SNX25: variants seen among roughly 807,000 people sequenced by gnomAD.
SNX25 encodes sorting nexin-25.
Under a neutral mutation model 113.7 loss-of-function variants are expected in SNX25, and 62 were observed. The ratio of observed to expected loss-of-function variants is 0.55; its 90% confidence interval spans 0.44 to 0.67. SNX25 has a LOEUF of 0.67. Ranked by LOEUF, SNX25 falls within the 30% of genes least tolerant of loss-of-function variation. The pLI, the probability that SNX25 is intolerant of heterozygous loss-of-function variation, is 0.00. For synonymous variants in SNX25, 421 were observed against 436.2 expected, an observed-to-expected ratio of 0.97 and a Z score of 0.43; for missense variants, 1,014 against 1,161.0, an observed-to-expected ratio of 0.87 and a Z score of 1.84.
At chr4:185,303,714 C>T (rs963596541) in intron 6 of SNX25, among the ~76,000 whole-genome samples, 17 of 151,192 alleles carry the variant, frequency 1.1e-4, no homozygotes, top group Non-Finnish European at 1.9e-4. Context: ...CACACCCTGG[C>T]CGGGCTGCAC....
rs1317027662 is a variant in SNX25, at chr4:185,210,489, A to G, written c.429+234A>G. The stretch of plus-strand genomic sequence containing the variant: ...CGCGGTGCTGGAGGAGATGCGCGTT[A>G]TTTACTGGGCTCTGTAGTCACTCGA... On this transcript the variant is annotated intron_variant, in intron 1 of 18. Coordinates refer to ENST00000652585, the MANE Select transcript of SNX25 (RefSeq NM_001378034.2). This position sits in a 1 kb window ranked among gnomAD's most constrained non-coding sequence, Gnocchi z 4.4. 6.7e-6 allele frequency among the ~76,000 whole-genome samples: 1 copy of G among 150,282 alleles called. No homozygotes were observed. Among genetic ancestry groups the G allele is most frequent in the Non-Finnish European group, 1.5e-5 (1 of 67,018 alleles).
At chr4:185,272,554 G>A (rs1284890819) in intron 5 of SNX25, among the ~76,000 whole-genome samples, 5 of 152,142 alleles carry the variant, frequency 3.3e-5, no homozygotes, top group Non-Finnish European at 7.3e-5. Flanking sequence ...TCACCCCTAG[G>A]AATTTTTATG....
intron 6 of SNX25, among the ~76,000 whole-genome samples, chr4:185,288,579 T>C (rs900815317): frequency 1.3e-5 from 2 of 150,474 alleles, no homozygotes; most frequent in African/African-American, 4.9e-5. Flanking sequence ...TTTTTCTCTC[T>C]TTTCACTCTT....
At chr4:185,249,355 G>T (rs1487391180) in intron 2 of SNX25, among the ~76,000 whole-genome samples, 3 of 151,982 alleles carry the variant, frequency 2.0e-5, no homozygotes, top group Non-Finnish European at 4.4e-5. Flanking sequence ...ATCTTACTGT[G>T]GCCTTAAATT....
rs751373470 is a variant in SNX25 at position 185,339,532 on chromosome 4, CTTAAT to C, written c.2046+26_2046+30del. 7 of 1,590,142 alleles carry C rather than the reference CTTAAT, an allele frequency of 4.4e-6. No individual in the cohort carries two copies. The African/African-American group carries it at 9.5e-5, about 22-fold the overall frequency. ...AGAGGTAGTTTTGACTGCTTTTCCT[CTTAAT>C]TTATTTTAAAAGTTTGACTTTATTA... On this transcript the variant is annotated intron_variant, in intron 11 of 18. Transcript: ENST00000652585.
At chr4:185,355,894 G>A (rs887640271) in intron 15 of SNX25, among the ~76,000 whole-genome samples, 6 of 152,204 alleles carry the variant, frequency 3.9e-5, no homozygotes, top group African/African-American at 1.4e-4. Flanking sequence ...TTGGTACAGA[G>A]CTTAAGAGAT....
At chr4:185,239,774 C>CT (rs564649102) in intron 1 of SNX25, among the ~76,000 whole-genome samples, 2,162 of 110,682 alleles carry the variant, frequency 0.02, 69 homozygotes, top group African/African-American at 0.074. Flanking sequence ...TTTTTTTTTT[C>CT]TTTTTTTTTT....
chr4:185,205,986 T>A (rs1737172688), upstream of SNX25, among the ~76,000 whole-genome samples: 1 of 152,150 alleles, frequency 6.6e-6, no homozygotes, highest in Non-Finnish European at 1.5e-5. Flanking sequence ...GAGATACCGA[T>A]GGCTTTAGTC....
intron 1 of SNX25, among the ~76,000 whole-genome samples, chr4:185,237,848 A>C (rs1310730330): frequency 6.6e-6 from 1 of 151,670 alleles, no homozygotes; most frequent in Non-Finnish European, 1.5e-5. Context: ...GGATCACCTG[A>C]GGTCAGGAGT....
rs117322033 is a variant in SNX25, at chr4:185,329,979, C to G, written c.1750-2616C>G. Among the ~76,000 whole-genome samples the G allele has an allele frequency of 3.4e-3, 523 of 152,232 alleles. 6 individuals are homozygous for G. Among genetic ancestry groups the G allele is most frequent in the East Asian group, 0.014 (71 of 5,180 alleles). On this transcript the variant is annotated intron_variant, in intron 9 of 18. Transcript: ENST00000652585. ...TGCTTCCTGGGTTGTGAGAGAGCCT[C>G]TATCCCCAACACCCATCCTGGGTAT... is the stretch of plus-strand genomic sequence containing the variant.
At chr4:185,323,862 GGTGCATATTGT>G in intron 9 of SNX25, 62 bp downstream of exon 9, 1 of 1,570,578 alleles carries the variant, frequency 6.4e-7, no homozygotes, top group South Asian at 1.2e-5. Context: ...TGTTTAAGTG[GGTGCATATTGT>G]GTGAGCCAAA....
the SNX25 span, chr4:185,375,523 TA>T: frequency 7.2e-6 from 1 of 138,924 alleles, no homozygotes; most frequent in African/African-American, 3.3e-5. Context: ...TATGTATATA[TA>T]TATGTATTAA....
chr4:185,224,427 A>G (rs1158280173), intron 1 of SNX25, among the ~76,000 whole-genome samples: 5 of 130,890 alleles, frequency 3.8e-5, no homozygotes, highest in African/African-American at 8.5e-5. Context: ...AAAAATATAT[A>G]AAAATATATA....
intron 6 of SNX25, among the ~76,000 whole-genome samples, chr4:185,290,195 A>C (rs1751947270): frequency 6.6e-6 from 1 of 152,194 alleles, no homozygotes; most frequent in African/African-American, 2.4e-5. Context: ...CCACATCCTA[A>C]GGTACTTGGC....
upstream of SNX25, among the ~76,000 whole-genome samples, chr4:185,208,026 C>G (rs1737265984): frequency 6.6e-6 from 1 of 152,182 alleles, no homozygotes; most frequent in Admixed American, 6.5e-5. Context: ...GTAGGGTACA[C>G]TTTGAGGGGC....
chr4:185,305,200 A>G (rs1754291848), intron 6 of SNX25, among the ~76,000 whole-genome samples: 1 of 152,126 alleles, frequency 6.6e-6, no homozygotes, highest in Non-Finnish European at 1.5e-5. Flanking sequence ...GAGGCTAGGC[A>G]TGCTGCTAAA....
intron 1 of SNX25, among the ~76,000 whole-genome samples, chr4:185,241,622 G>A (rs2126465179): frequency 6.7e-6 from 1 of 150,002 alleles, no homozygotes; most frequent in South Asian, 2.1e-4. Flanking sequence ...CAGGATAGCG[G>A]TCTGGTTCAC....
chr4:185,378,230 A>C, the SNX25 span: 1 of 1,603,616 alleles, frequency 6.2e-7, no homozygotes, highest in Non-Finnish European at 8.5e-7. Flanking sequence ...AGAAAAAATA[A>C]GTGGTAGAAA....
chr4:185,310,790 G>T lies in SNX25; in HGVS notation c.1318G>T (p.Glu440Ter). ...YDQQEDGALD[E>*]GEGPQSQKIL... ...CCAGCAAGAGGATGGGGCCCTGGAT[G>T]AGGGGGAAGGGCCTCAAAGCCAGAA... Residue 440 changes from glutamate (E) to a stop codon, truncating the protein, a stop_gained, in exon 7 of 19, where the codon GAG (glutamate) becomes TAG (stop). Transcript: ENST00000652585. LOFTEE classifies it high-confidence loss of function. 1 of 1,612,784 alleles carries T rather than the reference G, an allele frequency of 6.2e-7. No individual in the cohort carries two copies. The highest frequency in any genetic ancestry group is 8.5e-7 in the Non-Finnish European group (1 of 1,179,478).
Sources: gnomAD v4.1 joint callset for allele counts (sites outside exome capture counted in the v4.1 genomes callset) on GRCh38, gnomAD v4.1.1 for gene constraint, Gnocchi (gnomAD v3.1) non-coding constraint, MANE v1.5 for transcripts, NCBI Gene and HGNC (gene_info 2026-07-23, HGNC 2026-07-21) for gene names.